BTRC: variants seen among roughly 807,000 people sequenced by gnomAD.
BTRC encodes F-box/WD repeat-containing protein 1A.
In BTRC, 42 loss-of-function variants were observed where a neutral mutation model predicts 85.5. That is an observed-to-expected ratio of 0.49 (90% CI 0.38 to 0.64). The LOEUF (loss-of-function observed/expected upper bound fraction) is 0.64. BTRC is among the 30% of genes least tolerant of loss of function. The pLI, the probability that BTRC is intolerant of heterozygous loss-of-function variation, is 0.00. For missense variants in BTRC, 594 were observed against 743.5 expected (o/e 0.80, Z 2.34); for synonymous variants, 255 against 263.3 (o/e 0.97, Z 0.30).
At chr10:101,447,819 G>C (rs1482883142) in intron 2 of BTRC, among the ~76,000 whole-genome samples, 1 of 151,984 alleles carries the variant, frequency 6.6e-6, no homozygotes, top group South Asian at 2.1e-4. Flanking sequence ...TAAATTAAAA[G>C]GCCACTTTAA....
intron 1 of BTRC, among the ~76,000 whole-genome samples, chr10:101,426,673 C>T (rs559940054): frequency 5.3e-5 from 8 of 152,100 alleles, no homozygotes; most frequent in South Asian, 2.1e-4. Flanking sequence ...TTATGTAAAA[C>T]GGAGGAGACA....
At chr10:101,354,249 G>T in intron 1 of BTRC, 21 bp downstream of exon 1, 1 of 1,548,154 alleles carries the variant, frequency 6.5e-7, no homozygotes, top group Non-Finnish European at 8.7e-7. Flanking sequence ...GGTGGAGGCC[G>T]GGGAACGGTG....
chr10:101,514,855 C>G (rs12769629), intron 4 of BTRC, among the ~76,000 whole-genome samples: 40,076 of 152,170 alleles, frequency 0.26, 6,340 homozygotes, highest in South Asian at 0.4. Context: ...GTCCTTACAC[C>G]AAAGCCACAC....
At chr10:101,505,395 G>T (rs1053705783) in intron 4 of BTRC, among the ~76,000 whole-genome samples, 1 of 150,508 alleles carries the variant, frequency 6.6e-6, no homozygotes, top group Non-Finnish European at 1.5e-5. Flanking sequence ...CGAGGCGGGC[G>T]GATCATGAGG....
At chr10:101,413,817 T>G (rs1179567469) in intron 1 of BTRC, among the ~76,000 whole-genome samples, 1 of 152,198 alleles carries the variant, frequency 6.6e-6, no homozygotes, top group African/African-American at 2.4e-5. Context: ...AACTTTCGTG[T>G]TTTTTTATAT....
intron 1 of BTRC, among the ~76,000 whole-genome samples, chr10:101,406,321 C>T (rs1385913270): frequency 2.0e-5 from 3 of 150,558 alleles, no homozygotes; most frequent in African/African-American, 7.3e-5. Flanking sequence ...GGACTACAGG[C>T]GCCCGCCACT....
chr10:101,407,494 A>G (rs1423977650), intron 1 of BTRC, among the ~76,000 whole-genome samples: 1 of 151,968 alleles, frequency 6.6e-6, no homozygotes, highest in African/African-American at 2.4e-5. Flanking sequence ...GCTCACTGCA[A>G]ACTCCGCCTC....
chr10:101,398,997 G>A (rs1943431622), intron 1 of BTRC, among the ~76,000 whole-genome samples: 1 of 152,120 alleles, frequency 6.6e-6, no homozygotes, highest in Non-Finnish European at 1.5e-5. Context: ...CTGTTGCCCA[G>A]ACTGGAATGC....
rs758426146 is a variant in BTRC, at chr10:101,532,970, T to C, written c.997T>C (p.Leu333=). The C allele has an allele frequency of 1.2e-6, 2 of 1,612,226 alleles. No individual in the cohort carries two copies. Among genetic ancestry groups the C allele is most frequent in the Admixed American group, 1.7e-5 (1 of 59,894 alleles). The change falls in exon 9 of 15, where the codon TTG becomes CTG. Residue 333 remains leucine (L), a synonymous_variant. Coordinates refer to ENST00000370187, the MANE Select transcript of BTRC (RefSeq NM_033637.4). ...NTIKIWDKNT[L]ECKRILTGHT... ...ATCCTAGATCTGGGATAAAAACACA[T>C]TGGAATGCAAGCGAATTCTCACAGG...
intron 11 of BTRC, 22 bp from the exon 12 acceptor site, chr10:101,536,521 C>G: frequency 1.3e-6 from 2 of 1,557,878 alleles, no homozygotes; most frequent in South Asian, 2.2e-5. Context: ...GAAAATTCAC[C>G]TGACTTAATT....
intron 1 of BTRC, among the ~76,000 whole-genome samples, chr10:101,389,508 C>T (rs1406449628): frequency 6.6e-6 from 1 of 151,614 alleles, no homozygotes; most frequent in Non-Finnish European, 1.5e-5. Flanking sequence ...TGTTGTTTTG[C>T]CTGGCAGAGC....
chr10:101,442,240 C>T lies in BTRC; in HGVS notation c.156+11788C>T, dbSNP rs149131504. 2.4e-4 allele frequency among the ~76,000 whole-genome samples: 33 copies of T among 138,558 alleles called. No homozygotes were observed. The East Asian group carries it at 4.3e-3, about 18-fold the overall frequency. 90.9% of individuals were successfully genotyped at this position (138,558 alleles called of 152,430 possible). On this transcript the variant is annotated intron_variant, in intron 2 of 14. Coordinates refer to ENST00000370187, the MANE Select transcript of BTRC (RefSeq NM_033637.4). ...ATTGAATTACTCTTTTCTGGAGTTG[C>T]GACTGCACTAATTGAATTAGAATCT...
At chr10:101,430,533 ATACTT>A (rs1944375172) in intron 2 of BTRC, 81 bp downstream of exon 2, 14 of 1,078,310 alleles carry the variant, frequency 1.3e-5, no homozygotes, top group Non-Finnish European at 1.8e-5. Context: ...CTCCTTTCCC[ATACTT>A]TACTTATATT....
At chr10:101,365,839 A>G (rs1345880834) in intron 1 of BTRC, among the ~76,000 whole-genome samples, 2 of 152,190 alleles carry the variant, frequency 1.3e-5, no homozygotes, top group African/African-American at 4.8e-5. Context: ...AATCGGAAAA[A>G]GTAAAATTTA....
chr10:101,552,975 C>G (rs2062674827), intron 14 of BTRC, among the ~76,000 whole-genome samples, 180 bp from the exon 15 acceptor site: 1 of 152,182 alleles, frequency 6.6e-6, no homozygotes, highest in Admixed American at 6.5e-5. Context: ...AGTATAACTT[C>G]CCCCATCAGG....
Position 101,538,346 on chromosome 10 carries a change from G to A in BTRC, c.1631G>A (p.Gly544Glu), listed in dbSNP as rs1589615426. The A allele has an allele frequency of 6.8e-6, 11 of 1,613,956 alleles. No individual in the cohort carries two copies. The East Asian group carries it at 2.5e-4, about 36-fold the overall frequency. Residue 544 changes from glycine (G) to glutamate (E), a missense_variant, in exon 13 of 15, where the codon GGG becomes GAG. Gly to Glu is a moderately conservative substitution (Grantham distance 98, BLOSUM62 -2). This residue lies in a region of BTRC where 373 missense variants were observed against 503.6 expected (regional missense o/e 0.74). Transcript: ENST00000370187. ...VAALDPRAPA[G>E]TLCLRTLVEH... ...GCTTTGGACCCCCGTGCTCCTGCAG[G>A]GACACTCTGTCTACGGACCCTTGTG...
At chr10:101,388,295 A>G (rs1021678188) in intron 1 of BTRC, among the ~76,000 whole-genome samples, 5 of 151,356 alleles carry the variant, frequency 3.3e-5, no homozygotes, top group African/African-American at 1.2e-4. Context: ...CCAAGTAGCT[A>G]GGACTACAGG....
At chr10:101,513,916 T>C (rs938127173) in intron 4 of BTRC, among the ~76,000 whole-genome samples, 1 of 152,220 alleles carries the variant, frequency 6.6e-6, no homozygotes, top group African/African-American at 2.4e-5. Flanking sequence ...GACCCAGTTG[T>C]TCCTCATTCT....
chr10:101,499,003 A>C (rs899994325), intron 4 of BTRC, among the ~76,000 whole-genome samples: 2 of 152,088 alleles, frequency 1.3e-5, no homozygotes, highest in African/African-American at 4.8e-5. Context: ...CAAAAAAAAA[A>C]CAGAAAAAAA....
Sources: allele counts gnomAD v4.1 joint callset (sites outside exome capture counted in the v4.1 genomes callset), GRCh38; gene constraint gnomAD v4.1.1; regional missense constraint gnomAD v4.1.1; transcripts MANE v1.5; gene names NCBI Gene and HGNC (gene_info 2026-07-23, HGNC 2026-07-21).